Variants in POLDIP3 observed in about 807,000 individuals in gnomAD.
POLDIP3 encodes polymerase delta-interacting protein 3.
A neutral mutation model predicts 45.1 loss-of-function variants in POLDIP3; 14 were observed. The ratio of observed to expected loss-of-function variants is 0.31; its 90% CI spans 0.20 to 0.49. The LOEUF (loss-of-function observed/expected upper bound fraction) is 0.49, where lower values mean the gene tolerates loss of function less well. POLDIP3 is among the 20% of genes least tolerant of loss of function. POLDIP3 has a pLI of 0.99. For synonymous variants in POLDIP3, 223 were observed against 205.2 expected (o/e 1.09, Z -0.74); for missense variants, 511 against 538.8 (o/e 0.95, Z 0.51).
chr22:42,598,926 T>C (rs6002807), intron 4 of POLDIP3, among the ~76,000 whole-genome samples: 3,797 of 152,316 alleles, frequency 0.025, 150 homozygotes, highest in African/African-American at 0.087. Context: ...ACCAACACTC[T>C]AGCCTAGCAA....
At chr22:42,595,132 G>C (rs1399275694) in intron 6 of POLDIP3, among the ~76,000 whole-genome samples, 1 of 152,198 alleles carries the variant, frequency 6.6e-6, no homozygotes, top group South Asian at 2.1e-4. Flanking sequence ...AAACAACATG[G>C]TTTCTGCTCA....
chr22:42,605,052 T>A (rs1237942018), intron 1 of POLDIP3, among the ~76,000 whole-genome samples: 1 of 152,202 alleles, frequency 6.6e-6, no homozygotes, highest in Non-Finnish European at 1.5e-5. Flanking sequence ...CAGGCCCTCA[T>A]CAGACATGGA....
rs1925276359 is a variant in POLDIP3, at chr22:42,585,891, G to A, written c.1166C>T (p.Pro389Leu). ...GGTGTCAGGGTCCACTTCGGCAGGG[G>A]GGTTGGAGGAGGAGGCAGAGTTCAC... Reference protein sequence around the residue: ...RRVNSASSSNPPAEVDPDTIL... With the variant: ...RRVNSASSSNLPAEVDPDTIL... Residue 389 changes from proline to leucine, a missense_variant, in exon 9 of 9, where the codon CCC (proline) becomes CTC (leucine). Physicochemically the swap from Pro to Leu is moderately conservative, Grantham distance 98 (BLOSUM62 -3). This residue lies in a region of POLDIP3 where 45 missense variants were observed against 34.3 expected (regional missense o/e 1.31). Transcript: ENST00000252115. 5 of 1,613,474 alleles carry A rather than the reference G, an allele frequency of 3.1e-6. No homozygotes were observed. The highest frequency in any genetic ancestry group is 2.2e-5 in the East Asian group (1 of 44,878).
rs377648186 is a variant in POLDIP3, at chr22:42,614,837, G to C, written c.21C>G (p.Asp7Glu). The change falls in exon 1 of 9, where the codon GAC becomes GAG. Residue 7 changes from aspartate (D) to glutamate (E), a missense_variant. Coordinates refer to ENST00000252115, the MANE Select transcript of POLDIP3 (RefSeq NM_032311.5). MADISLDELIRKRGAAA... is the reference protein window; with the variant it reads MADISLEELIRKRGAAA... Reference sequence around the variant, plus strand: ...CCGCCCCGCGCTTCCTGATGAGTTCGTCCAGGGAGATGTCCGCCATCTTGC... The same window carrying C: ...CCGCCCCGCGCTTCCTGATGAGTTCCTCCAGGGAGATGTCCGCCATCTTGC... 195 of 1,613,896 alleles carry C rather than the reference G, an allele frequency of 1.2e-4. No homozygotes were observed. The highest frequency in any genetic ancestry group is 1.6e-4 in the Non-Finnish European group (186 of 1,179,948).
At position 42,614,844 on chromosome 22, in the gene POLDIP3, G is replaced by C. The variant is rs763938282; in HGVS notation, c.14C>G (p.Ser5Cys). 2 of 1,614,032 alleles carry C rather than the reference G, an allele frequency of 1.2e-6. No individual in the cohort carries two copies. The highest frequency in any genetic ancestry group is 1.7e-6 in the Non-Finnish European group (2 of 1,179,934). MADI[S>C]LDELIRKRGA... ...GCGCTTCCTGATGAGTTCGTCCAGG[G>C]AGATGTCCGCCATCTTGCTCCGCCG... Residue 5 changes from serine to cysteine, a missense_variant, in exon 1 of 9, where the codon TCC becomes TGC. Ser to Cys is a moderately radical substitution (Grantham distance 112). This residue lies in a region of POLDIP3 where 378 missense variants were observed against 352.3 expected (regional missense o/e 1.07). Transcript: ENST00000252115.
intron 6 of POLDIP3, among the ~76,000 whole-genome samples, chr22:42,593,525 CT>C (rs1176084284): frequency 6.6e-6 from 1 of 152,066 alleles, no homozygotes; most frequent in African/African-American, 2.4e-5. Context: ...AGCTTTAATT[CT>C]TTTCTTTTTT....
intron 8 of POLDIP3, among the ~76,000 whole-genome samples, chr22:42,587,178 A>G (rs1569294543): frequency 1.3e-5 from 2 of 152,228 alleles, no homozygotes; most frequent in Admixed American, 6.5e-5. Flanking sequence ...ATCAGAGCCA[A>G]TCATGCAGTG....
At chr22:42,589,124 T>A (rs758988062) in intron 7 of POLDIP3, among the ~76,000 whole-genome samples, 10 of 151,932 alleles carry the variant, frequency 6.6e-5, no homozygotes, top group Non-Finnish European at 1.0e-4. Flanking sequence ...ACACCTGTAG[T>A]CTCAGCCACT....
intron 7 of POLDIP3, among the ~76,000 whole-genome samples, chr22:42,589,530 C>T (rs1397464212): frequency 6.6e-6 from 1 of 151,994 alleles, no homozygotes; most frequent in African/African-American, 2.4e-5. Context: ...AAAGATCTCG[C>T]CGGGTGCAGT....
chr22:42,588,456 CAA>C (rs137093), intron 7 of POLDIP3, among the ~76,000 whole-genome samples: 15,294 of 101,310 alleles, frequency 0.15, 1,224 homozygotes, highest in East Asian at 0.52. Flanking sequence ...GACTCCACCT[CAA>C]AAAAAAAAAA....
At chr22:42,586,209 C>T (rs1925301768) in intron 8 of POLDIP3, among the ~76,000 whole-genome samples, 1 of 152,050 alleles carries the variant, frequency 6.6e-6, no homozygotes, top group African/African-American at 2.4e-5. Flanking sequence ...GCGTGTACCA[C>T]CATGCCTGGC....
intron 6 of POLDIP3, among the ~76,000 whole-genome samples, chr22:42,593,620 G>A (rs1038216477): frequency 2.6e-5 from 4 of 152,180 alleles, no homozygotes; most frequent in Non-Finnish European, 5.9e-5. Flanking sequence ...CAGGTTCTAA[G>A]TGATTCTCCT....
intron 1 of POLDIP3, among the ~76,000 whole-genome samples, chr22:42,607,928 G>T (rs1292326413): frequency 6.6e-6 from 1 of 151,694 alleles, no homozygotes; most frequent in Non-Finnish European, 1.5e-5. Context: ...CCCCGTCTGG[G>T]AGGGAGGTGG....
At chr22:42,601,818 G>T in intron 3 of POLDIP3, 152 bp downstream of exon 3, 1 of 928,232 alleles carries the variant, frequency 1.1e-6, no homozygotes, top group Non-Finnish European at 1.5e-6. Context: ...AAAGTTCGCT[G>T]TAACCCTGCC....
At chr22:42,612,357 C>G (rs1927177388) in intron 1 of POLDIP3, among the ~76,000 whole-genome samples, 1 of 152,198 alleles carries the variant, frequency 6.6e-6, no homozygotes, top group South Asian at 2.1e-4. Context: ...GGTTAAGTAA[C>G]TTGCAGACGG....
chr22:42,614,725 GA>G, intron 1 of POLDIP3, 73 bp downstream of exon 1: 1 of 1,535,000 alleles, frequency 6.5e-7, no homozygotes. Context: ...GTCGCTCCCG[GA>G]TCGCTACCTC....
chr22:42,592,221 C>A (rs189872102), intron 6 of POLDIP3, 137 bp from the exon 7 acceptor site: 1 of 1,298,076 alleles, frequency 7.7e-7, no homozygotes, highest in Non-Finnish European at 1.1e-6. Context: ...GGAGGCTCCA[C>A]GCGAGGTGGT....
At chr22:42,611,038 T>C (rs904853308) in intron 1 of POLDIP3, among the ~76,000 whole-genome samples, 8 of 152,248 alleles carry the variant, frequency 5.3e-5, no homozygotes, top group Non-Finnish European at 1.0e-4. Context: ...TGAGGAAAGA[T>C]AGCACCTCAC....
At position 42,584,431 on chromosome 22, in the gene POLDIP3, G is replaced by A. The variant is rs139635540; in HGVS notation, c.*1360C>T. On this transcript the variant is annotated 3_prime_UTR_variant, in exon 9 of 9. Transcript: ENST00000252115. ...GTTTTTTTCACTGGGCTAGCCTCAAGCAAATCTTGGGAGCTCTTGAGTATC... is the reference window on the plus strand; with the variant it reads ...GTTTTTTTCACTGGGCTAGCCTCAAACAAATCTTGGGAGCTCTTGAGTATC... 4.4e-4 allele frequency: 73 copies of A among 165,780 alleles called. No homozygotes were observed. Among genetic ancestry groups the A allele is most frequent in the Non-Finnish European group, 5.2e-4 (39 of 74,950 alleles). The allele number at this position is 165,780 out of a possible 1,614,324, so 10.3% of individuals were successfully genotyped here.
Sources: allele counts gnomAD v4.1 joint callset (sites outside exome capture counted in the v4.1 genomes callset), GRCh38; gene constraint gnomAD v4.1.1; regional missense constraint gnomAD v4.1.1; transcripts MANE v1.5; gene names NCBI Gene and HGNC (gene_info 2026-07-23, HGNC 2026-07-21).